The following GTF2I variants were observed in gnomAD, a reference collection of about 807,000 sequenced individuals.
GTF2I encodes the protein general transcription factor II-I.
A neutral mutation model predicts 67.6 loss-of-function variants in GTF2I; 12 were observed. That is an observed-to-expected ratio of 0.18 (90% CI 0.11 to 0.29). The LOEUF (loss-of-function observed/expected upper bound fraction) is 0.29, where lower values mean the gene tolerates loss of function less well. Ranked by LOEUF, GTF2I falls within the 10% of genes least tolerant of loss-of-function variation. GTF2I has a pLI of 1.00. For missense variants in GTF2I, 271 were observed against 580.1 expected (o/e 0.47, Z 5.47); for synonymous variants, 149 against 197.0 (o/e 0.76, Z 2.04).
intron 12 of GTF2I, among the ~76,000 whole-genome samples, chr7:74,721,970 A>G (rs1301876607): frequency 6.6e-6 from 1 of 152,210 alleles, no homozygotes; most frequent in African/African-American, 2.4e-5. Flanking sequence ...AAGACGGACA[A>G]AAATAAACTG....
At chr7:74,685,969 C>T (rs1201045134) in intron 1 of GTF2I, among the ~76,000 whole-genome samples, 1 of 151,952 alleles carries the variant, frequency 6.6e-6, no homozygotes, top group Non-Finnish European at 1.5e-5. Flanking sequence ...GGGAGAATGG[C>T]GTGAACCCGG....
At chr7:74,687,803 T>A (rs980414497) in intron 1 of GTF2I, among the ~76,000 whole-genome samples, 10 of 152,232 alleles carry the variant, frequency 6.6e-5, no homozygotes, top group Admixed American at 5.2e-4. Flanking sequence ...GTCAGTAAAT[T>A]AATTTGTTTT....
At position 74,693,265 on chromosome 7, in the gene GTF2I, A is replaced by ATTTTTTTTTT. The variant is rs1158949751; in HGVS notation, c.238+2173_238+2182dup. On this transcript the variant is annotated intron_variant, in intron 3 of 34. Transcript: ENST00000573035. ...TGATTATTGTATCCGCTGTAGTGGA[A>ATTTTTTTTTT]TTTTTTTTTTTTTTTTTTTTTTTTT... is the stretch of plus-strand genomic sequence containing the variant. Among the ~76,000 whole-genome samples the ATTTTTTTTTT allele has an allele frequency of 2.4e-5, 2 of 83,004 alleles. 1 individual carries two copies. Among genetic ancestry groups the ATTTTTTTTTT allele is most frequent in the African/African-American group, 1.0e-4 (2 of 19,076 alleles). 54.5% of individuals were successfully genotyped at this position (83,004 alleles called of 152,430 possible).
At chr7:74,701,659 G>A (rs1554399917) in intron 6 of GTF2I, among the ~76,000 whole-genome samples, 3 of 152,026 alleles carry the variant, frequency 2.0e-5, no homozygotes, top group African/African-American at 7.2e-5. Context: ...AGTAGAGATG[G>A]GGTTTCACCA....
intron 10 of GTF2I, among the ~76,000 whole-genome samples, chr7:74,716,408 G>A (rs1165333627): frequency 6.6e-6 from 1 of 152,076 alleles, no homozygotes; most frequent in Admixed American, 6.5e-5. Context: ...ATGAAATTAT[G>A]GGGATTGAGT....
chr7:74,702,548 G>A (rs1241967526), intron 6 of GTF2I, among the ~76,000 whole-genome samples: 1 of 152,112 alleles, frequency 6.6e-6, no homozygotes, highest in East Asian at 1.9e-4. Flanking sequence ...AAACTGACAA[G>A]CTGTTTTCCA....
intron 1 of GTF2I, among the ~76,000 whole-genome samples, chr7:74,661,869 T>C (rs1291995407): frequency 2.6e-5 from 4 of 152,174 alleles, no homozygotes; most frequent in African/African-American, 7.2e-5. Flanking sequence ...GGGAAATCTT[T>C]GGAAGTTTGG....
chr7:74,715,520 CTG>C (rs1427997431), intron 10 of GTF2I, among the ~76,000 whole-genome samples: 15 of 152,098 alleles, frequency 9.9e-5, no homozygotes, highest in South Asian at 2.1e-4. Flanking sequence ...ATCATCTTAA[CTG>C]TTATTCTTTG....
At chr7:74,659,835 G>T (rs1309611771) in intron 1 of GTF2I, among the ~76,000 whole-genome samples, 1 of 152,118 alleles carries the variant, frequency 6.6e-6, no homozygotes, top group Non-Finnish European at 1.5e-5. Context: ...GAGCCACCAC[G>T]CTGGGCCTCA....
intron 1 of GTF2I, among the ~76,000 whole-genome samples, chr7:74,664,375 A>G (rs1804785332): frequency 6.6e-6 from 1 of 152,164 alleles, no homozygotes; most frequent in South Asian, 2.1e-4. Context: ...AGTTCAGTAT[A>G]GCCAGGAACT....
At chr7:74,674,069 CTTTTTTT>C (rs35948360) in intron 1 of GTF2I, among the ~76,000 whole-genome samples, 1 of 132,508 alleles carries the variant, frequency 7.5e-6, no homozygotes, top group Non-Finnish European at 1.6e-5. Flanking sequence ...TGATCTATGA[CTTTTTTT>C]TTTTTTTTTT....
At chr7:74,662,706 T>G (rs1804630813) in intron 1 of GTF2I, among the ~76,000 whole-genome samples, 1 of 151,816 alleles carries the variant, frequency 6.6e-6, no homozygotes, top group African/African-American at 2.4e-5. Context: ...GTATTTTTAG[T>G]AGACACGGGG....
At chr7:74,672,767 CTGTT>C (rs782690332) in intron 1 of GTF2I, among the ~76,000 whole-genome samples, 1 of 152,184 alleles carries the variant, frequency 6.6e-6, no homozygotes, top group Non-Finnish European at 1.5e-5. Context: ...AGGAAGCTCT[CTGTT>C]GGAGGATATG....
At chr7:74,670,689 C>CA (rs199752195) in intron 1 of GTF2I, among the ~76,000 whole-genome samples, 5,169 of 80,822 alleles carry the variant, frequency 0.064, 122 homozygotes, top group Admixed American at 0.085. Flanking sequence ...GACTCTTTCT[C>CA]AAAAAAAAAC....
rs1161320476 is a variant in GTF2I, at chr7:74,662,511, C to CTT, written c.-6+4471_-6+4472dup. Among the ~76,000 whole-genome samples, 343 of 50,210 alleles carry CTT rather than the reference C, an allele frequency of 6.8e-3. 80 individuals are homozygous for CTT. Among genetic ancestry groups the CTT allele is most frequent in the South Asian group, 8.9e-3 (9 of 1,014 alleles). The allele number at this position is 50,210 out of a possible 152,430, so 32.9% of individuals were successfully genotyped here. ...AGGCGTGAGCCACTGCACCTGGACC[C>CTT]TTTTTTTTTTTTTTTTTTTTTTTTT... is the stretch of plus-strand genomic sequence containing the variant. On this transcript the variant is annotated intron_variant, in intron 1 of 34. Transcript: ENST00000573035.
In GTF2I at chr7:74,717,116, A is replaced by G. The variant is rs1792358581; in HGVS notation, c.880+166A>G. 4.5e-6 allele frequency: 4 copies of G among 880,328 alleles called. No individual in the cohort carries two copies. In the Admixed American group the frequency reaches 1.2e-4, roughly 27 times the overall value. The allele number at this position is 880,328 out of a possible 1,614,324, so 54.5% of individuals were successfully genotyped here. Reference sequence around the variant, plus strand: ...ATTTTTTTAAAAATTCTAAGATGTAATATACTTCTTTGACCATACTGATTA... The same window carrying G: ...ATTTTTTTAAAAATTCTAAGATGTAGTATACTTCTTTGACCATACTGATTA... On this transcript the variant is annotated intron_variant, in intron 11 of 34. Transcript: ENST00000573035.
At chr7:74,721,714 A>C (rs1015180819) in intron 12 of GTF2I, among the ~76,000 whole-genome samples, 2 of 152,102 alleles carry the variant, frequency 1.3e-5, no homozygotes. Context: ...ATTACTTCCA[A>C]ATGGTAGGAG....
intron 12 of GTF2I, among the ~76,000 whole-genome samples, chr7:74,719,386 CTACT>C (rs1390667719): frequency 6.6e-6 from 1 of 152,160 alleles, no homozygotes; most frequent in Non-Finnish European, 1.5e-5. Flanking sequence ...CCCGCAAATA[CTACT>C]TAGAGGCTGA....
At chr7:74,683,625 G>A (rs754240739) in intron 1 of GTF2I, among the ~76,000 whole-genome samples, 1 of 152,172 alleles carries the variant, frequency 6.6e-6, no homozygotes, top group Non-Finnish European at 1.5e-5. Flanking sequence ...GGCTGAAGCG[G>A]GCAGATCACC....
Sources: allele counts gnomAD v4.1 joint callset (sites outside exome capture counted in the v4.1 genomes callset), GRCh38; gene constraint gnomAD v4.1.1; transcripts MANE v1.5; gene names NCBI Gene and HGNC (gene_info 2026-07-23, HGNC 2026-07-21).